Variants in PAK5 observed in about 807,000 individuals in gnomAD.
The protein encoded by PAK5 is p21 (RAC1) activated kinase 5.
In PAK5, 16 loss-of-function variants were observed where a neutral mutation model predicts 65.9. That is an observed-to-expected ratio of 0.24 (90% CI 0.16 to 0.37). The LOEUF is 0.37. PAK5 is among the 10% of genes least tolerant of loss of function. The pLI, the probability that PAK5 is intolerant of heterozygous loss-of-function variation, is 1.00. For missense variants in PAK5, 785 were observed against 903.9 expected (o/e 0.87, Z 1.69); for synonymous variants, 371 against 354.9 (o/e 1.05, Z -0.51).
intron 4 of PAK5, among the ~76,000 whole-genome samples, chr20:9,567,646 G>A (rs1277482734): frequency 6.6e-6 from 1 of 152,170 alleles, no homozygotes; most frequent in African/African-American, 2.4e-5. Flanking sequence ...TAATATTTGA[G>A]CAACTATGAT....
intron 1 of PAK5, among the ~76,000 whole-genome samples, chr20:9,721,024 A>G (rs1220616299): frequency 6.6e-6 from 1 of 152,200 alleles, no homozygotes; most frequent in Non-Finnish European, 1.5e-5. Context: ...GGAATTAGAT[A>G]GAGGTGGTAG....
At chr20:9,785,869 T>C in intron 1 of PAK5, among the ~76,000 whole-genome samples, 1 of 152,142 alleles carries the variant, frequency 6.6e-6, no homozygotes, top group East Asian at 1.9e-4. Flanking sequence ...GGGCAATTTT[T>C]TGGGCAGCCT....
rs574135570 is a variant in PAK5 at position 9,723,095 on chromosome 20, C to T, written c.-161-11660G>A. 2.6e-5 allele frequency among the ~76,000 whole-genome samples: 4 copies of T among 152,202 alleles called. No homozygotes were observed. In the East Asian group the frequency reaches 5.8e-4, roughly 22 times the overall value. On this transcript the variant is annotated intron_variant, in intron 1 of 9. Transcript: ENST00000353224. ...ATAAAACGAGGAAGCCATTGACGAG[C>T]GTGGAGCAGCGGGTGCATGATCTAA...
intron 3 of PAK5, among the ~76,000 whole-genome samples, chr20:9,587,923 A>G (rs1767382926): frequency 6.6e-6 from 1 of 152,200 alleles, no homozygotes; most frequent in South Asian, 2.1e-4. Flanking sequence ...TCTATAATAT[A>G]GTGTTAAATG....
chr20:9,586,493 TA>T (rs2046072837), intron 3 of PAK5, among the ~76,000 whole-genome samples: 1 of 152,164 alleles, frequency 6.6e-6, no homozygotes, highest in Non-Finnish European at 1.5e-5. Flanking sequence ...TATAGATGGA[TA>T]AAAAACAGAA....
intron 3 of PAK5, among the ~76,000 whole-genome samples, chr20:9,640,780 G>A (rs933741835): frequency 1.3e-5 from 2 of 150,952 alleles, no homozygotes; most frequent in African/African-American, 4.9e-5. Context: ...CAGCTCTTAA[G>A]ACAGCGCGTC....
intron 7 of PAK5, among the ~76,000 whole-genome samples, chr20:9,552,434 G>T (rs1025951447): frequency 6.6e-6 from 1 of 152,132 alleles, no homozygotes; most frequent in Non-Finnish European, 1.5e-5. Context: ...CTTGTCCCTG[G>T]TATACTTCTG....
intron 1 of PAK5, among the ~76,000 whole-genome samples, chr20:9,813,749 T>C (rs944312074): frequency 5.9e-5 from 9 of 152,186 alleles, no homozygotes; most frequent in African/African-American, 2.2e-4. Flanking sequence ...GAGGACTTTA[T>C]GATTCCAATT....
intron 4 of PAK5, among the ~76,000 whole-genome samples, chr20:9,578,869 T>C (rs906187778): frequency 2.1e-5 from 3 of 144,906 alleles, no homozygotes; most frequent in Admixed American, 2.0e-4. Context: ...TACCACGAGA[T>C]AAAAAAAAAA....
intron 3 of PAK5, among the ~76,000 whole-genome samples, chr20:9,610,815 T>C (rs2046544885): frequency 6.6e-6 from 1 of 152,176 alleles, no homozygotes; most frequent in Admixed American, 6.5e-5. Context: ...CAGTGTGAGG[T>C]GGGGCTGTCA....
chr20:9,808,143 G>A (rs2049255607), intron 1 of PAK5, among the ~76,000 whole-genome samples: 1 of 152,110 alleles, frequency 6.6e-6, no homozygotes, highest in South Asian at 2.1e-4. Flanking sequence ...TGTGTACCCA[G>A]GGATGAACTT....
At chr20:9,753,700 T>C (rs1363005385) in intron 1 of PAK5, among the ~76,000 whole-genome samples, 1 of 152,108 alleles carries the variant, frequency 6.6e-6, no homozygotes, top group East Asian at 1.9e-4. Flanking sequence ...AAGAGCAAAA[T>C]ATATTTCTTA....
intron 1 of PAK5, among the ~76,000 whole-genome samples, chr20:9,767,940 T>A (rs2048788118): frequency 1.3e-5 from 2 of 152,092 alleles, no homozygotes; most frequent in Admixed American, 1.3e-4. Flanking sequence ...AAGAATGAAA[T>A]CATGTCTTTG....
chr20:9,602,320 A>G (rs2046375291), intron 3 of PAK5, among the ~76,000 whole-genome samples: 1 of 151,226 alleles, frequency 6.6e-6, no homozygotes, highest in Non-Finnish European at 1.5e-5. Flanking sequence ...ATAAATAAAT[A>G]AATAAATAAA....
At chr20:9,741,985 C>T (rs371478038) in intron 1 of PAK5, among the ~76,000 whole-genome samples, 22 of 152,248 alleles carry the variant, frequency 1.4e-4, no homozygotes, top group African/African-American at 5.3e-4. Context: ...ACTTTAAACC[C>T]TACCTTAGAA....
At chr20:9,602,291 A>AAAATAAAT (rs200878141) in intron 3 of PAK5, among the ~76,000 whole-genome samples, 5 of 141,880 alleles carry the variant, frequency 3.5e-5, no homozygotes, top group Admixed American at 7.1e-5. Context: ...CTCTGTCTCA[A>AAAATAAAT]AAATAAATAA....
chr20:9,663,254 C>G (rs2047370603), intron 2 of PAK5, among the ~76,000 whole-genome samples: 1 of 152,118 alleles, frequency 6.6e-6, no homozygotes, highest in Non-Finnish European at 1.5e-5. Context: ...GTTTTACATT[C>G]CTACGAAGCA....
chr20:9,585,092 T>A (rs947719750), intron 3 of PAK5, among the ~76,000 whole-genome samples: 1 of 152,206 alleles, frequency 6.6e-6, no homozygotes, highest in Admixed American at 6.5e-5. Flanking sequence ...TATATTAGAT[T>A]TTTTTCATAT....
At position 9,539,229 on chromosome 20, in the gene PAK5, T is replaced by A; in HGVS notation, c.*233A>T. 1 of 440,604 alleles carries A rather than the reference T, an allele frequency of 2.3e-6. No individual in the cohort carries two copies. The highest frequency in any genetic ancestry group is 4.1e-6 in the Non-Finnish European group (1 of 241,682). 27.3% of individuals were successfully genotyped at this position (440,604 alleles called of 1,614,324 possible). A position where few individuals can be genotyped will look rare whatever the true frequency, so the allele number is the denominator to read the frequency against. On this transcript the variant is annotated 3_prime_UTR_variant, in exon 10 of 10. Transcript: ENST00000353224. ...CTGGATGAAGGGCTGAAAAATATAA[T>A]AATGACTTATTAAAGCCGTGCTCCA...
Sources: allele counts gnomAD v4.1 joint callset (sites outside exome capture counted in the v4.1 genomes callset), GRCh38; gene constraint gnomAD v4.1.1; transcripts MANE v1.5; gene names NCBI Gene and HGNC (gene_info 2026-07-23, HGNC 2026-07-21).